The following DAB1 variants were observed in gnomAD, a reference collection of about 807,000 sequenced individuals.
DAB1 encodes DAB adaptor protein 1, also known as disabled homolog 1.
Under a neutral mutation model 64.6 loss-of-function variants are expected in DAB1, and 15 were observed. That is an observed-to-expected ratio of 0.23 (90% CI 0.16 to 0.36). DAB1 has a LOEUF of 0.36. Among genes scored for constraint, DAB1 ranks in the 10% least tolerant of loss-of-function variants. The probability of loss-of-function intolerance (pLI) is 1.00; values close to 1 mark genes in which losing one functional copy is unlikely to be tolerated. For missense variants in DAB1, 596 were observed against 706.7 expected, an observed-to-expected ratio of 0.84 and a Z score of 1.78; for synonymous variants, 235 against 251.9, an observed-to-expected ratio of 0.93 and a Z score of 0.64.
intron 3 of DAB1, among the ~76,000 whole-genome samples, chr1:58,457,647 C>T (rs1557769382): frequency 6.6e-6 from 1 of 152,162 alleles, no homozygotes; most frequent in African/African-American, 2.4e-5. Flanking sequence ...GTCATGGAGT[C>T]TCATCATTAA....
chr1:58,057,826 G>A (rs1041243417), intron 5 of DAB1, among the ~76,000 whole-genome samples: 4 of 152,108 alleles, frequency 2.6e-5, no homozygotes, highest in African/African-American at 9.6e-5. Flanking sequence ...CAATGAACAC[G>A]GTCTTTCTCA....
intron 9 of DAB1, among the ~76,000 whole-genome samples, chr1:57,038,244 C>A (rs999706786): frequency 2.6e-5 from 4 of 152,286 alleles, no homozygotes; most frequent in South Asian, 2.1e-4. Context: ...TATGTCTAGA[C>A]AGTACCATGA....
intron 1 of DAB1, among the ~76,000 whole-genome samples, chr1:57,837,046 G>A (rs1292583159): frequency 1.3e-5 from 2 of 152,048 alleles, no homozygotes; most frequent in African/African-American, 4.8e-5. Context: ...AACCCACCTC[G>A]TGAATGTGTG....
rs567748588 is a variant in DAB1, at chr1:57,406,819, C to T, written c.-137+17111G>A. 1.6e-4 allele frequency among the ~76,000 whole-genome samples: 24 copies of T among 152,308 alleles called. 1 individual carries two copies. Among genetic ancestry groups the T allele is most frequent in the Admixed American group, 5.9e-4 (9 of 15,298 alleles). ...CTGTATTTCCACCTACTCCTTCACA[C>T]CCTCCCAATTTAAAAATAAAATGAA... On this transcript the variant is annotated intron_variant, in intron 1 of 14. Transcript: ENST00000371236.
chr1:57,983,692 G>C (rs1646123284), intron 5 of DAB1, among the ~76,000 whole-genome samples: 1 of 152,172 alleles, frequency 6.6e-6, no homozygotes, highest in Non-Finnish European at 1.5e-5. Context: ...GTCAGCAACT[G>C]GAGGCTGTCT....
intron 5 of DAB1, among the ~76,000 whole-genome samples, chr1:57,907,822 T>C (rs1340134903): frequency 6.9e-6 from 1 of 144,136 alleles, no homozygotes; most frequent in African/African-American, 2.7e-5. Context: ...TTTGTCATTG[T>C]GCAAACATCA....
At chr1:58,468,530 C>T (rs1645320020) in intron 3 of DAB1, 1 of 152,164 alleles carries the variant, frequency 6.6e-6, no homozygotes, top group Non-Finnish European at 1.5e-5. Context: ...TAGCATTCTT[C>T]AGGAAGTAGA....
intron 4 of DAB1, among the ~76,000 whole-genome samples, chr1:57,085,516 A>G (rs1312388250): frequency 6.6e-6 from 1 of 152,232 alleles, no homozygotes; most frequent in Non-Finnish European, 1.5e-5. Flanking sequence ...ACACTGTGCT[A>G]GGTGCTGGGG....
chr1:57,754,710 AAAAC>A (rs560220976), intron 6 of DAB1, among the ~76,000 whole-genome samples: 25 of 152,156 alleles, frequency 1.6e-4, no homozygotes, highest in East Asian at 1.5e-3. Flanking sequence ...ACAAACAAAC[AAAAC>A]AAACAAACAA....
At chr1:57,471,767 G>T (rs148835325) in intron 7 of DAB1, among the ~76,000 whole-genome samples, 1 of 152,136 alleles carries the variant, frequency 6.6e-6, no homozygotes, top group African/African-American at 2.4e-5. Flanking sequence ...ACCCAGTCTT[G>T]GGTATGTCTT....
chr1:58,281,343 G>A (rs748944160), intron 4 of DAB1, among the ~76,000 whole-genome samples: 1 of 150,510 alleles, frequency 6.6e-6, no homozygotes, highest in Non-Finnish European at 1.5e-5. Context: ...CCTGAAACCT[G>A]GGATTCTTCC....
intron 1 of DAB1, among the ~76,000 whole-genome samples, chr1:58,544,754 T>C (rs1309755324): frequency 6.6e-6 from 1 of 152,124 alleles, no homozygotes; most frequent in African/African-American, 2.4e-5. Flanking sequence ...TTACCACATC[T>C]GGCTAATTTT....
At chr1:57,472,386 T>G (rs553611914) in intron 7 of DAB1, among the ~76,000 whole-genome samples, 1 of 152,326 alleles carries the variant, frequency 6.6e-6, no homozygotes, top group African/African-American at 2.4e-5. Context: ...TCATATTGTC[T>G]TATGCCCAAT....
At chr1:57,058,488 T>C (rs1181535047) in intron 9 of DAB1, among the ~76,000 whole-genome samples, 2 of 152,246 alleles carry the variant, frequency 1.3e-5, no homozygotes, top group African/African-American at 2.4e-5. Context: ...TCTGTGTCGA[T>C]GCTTACTGTA....
chr1:58,165,955 G>A (rs1414337528), intron 4 of DAB1, among the ~76,000 whole-genome samples: 1 of 152,188 alleles, frequency 6.6e-6, no homozygotes, highest in Admixed American at 6.5e-5. Context: ...ACCATGAAGA[G>A]CCTGAGCCTT....
chr1:57,890,375 C>CCCAT lies in DAB1; in HGVS notation n.388-6217_388-6214dup, dbSNP rs532971324. 2.2e-3 allele frequency among the ~76,000 whole-genome samples: 331 copies of CCCAT among 152,178 alleles called. 2 individuals are homozygous for CCCAT. The highest frequency in any genetic ancestry group is 7.7e-3 in the African/African-American group (318 of 41,510). On this transcript the variant is annotated intron_variant and non_coding_transcript_variant, in intron 5 of 20. Transcript: ENST00000485760. Reference sequence around the variant, plus strand: ...ACCCCAACTCTTCACCTCTAGCTAACCCATCTCTTTCATACCTCCATGCTG... The same window carrying CCCAT: ...ACCCCAACTCTTCACCTCTAGCTAACCCATCCATCTCTTTCATACCTCCATGCTG...
intron 4 of DAB1, among the ~76,000 whole-genome samples, chr1:58,172,387 A>C (rs970332042): frequency 9.9e-5 from 15 of 152,190 alleles, no homozygotes; most frequent in African/African-American, 3.4e-4. Context: ...GAGGCTATCA[A>C]AATAATACAA....
At chr1:57,716,606 T>C (rs1020026625) in intron 6 of DAB1, among the ~76,000 whole-genome samples, 1 of 152,150 alleles carries the variant, frequency 6.6e-6, no homozygotes, top group Non-Finnish European at 1.5e-5. Context: ...GACTTAAATG[T>C]AAAAATCCCA....
intron 6 of DAB1, among the ~76,000 whole-genome samples, chr1:57,708,511 T>C (rs189756283): frequency 6.6e-6 from 1 of 152,366 alleles, no homozygotes; most frequent in Non-Finnish European, 1.5e-5. Flanking sequence ...GCAGCAGGGC[T>C]TGCCCTAGGA....
Sources: allele counts gnomAD v4.1 joint callset (sites outside exome capture counted in the v4.1 genomes callset), GRCh38; gene constraint gnomAD v4.1.1; transcripts MANE v1.5; gene names NCBI Gene and HGNC (gene_info 2026-07-23, HGNC 2026-07-21).